Variants in ADCY2 observed in about 807,000 individuals in gnomAD.
ADCY2 encodes the protein adenylate cyclase type 2.
ADCY2 carries 31 observed loss-of-function variants against 125.2 expected under a neutral mutation model. The ratio of observed to expected loss-of-function variants is 0.25; its 90% CI spans 0.19 to 0.33. ADCY2 has a LOEUF of 0.33. Among genes scored for constraint, ADCY2 ranks in the 10% least tolerant of loss-of-function variants. The pLI, the probability that ADCY2 is intolerant of heterozygous loss-of-function variation, is 1.00. For missense variants in ADCY2, 904 were observed against 1,418.2 expected (o/e 0.64, Z 5.82); for synonymous variants, 512 against 548.4 (o/e 0.93, Z 0.93).
chr5:7,699,454 A>G (rs1741010305), intron 7 of ADCY2, among the ~76,000 whole-genome samples: 1 of 151,856 alleles, frequency 6.6e-6, no homozygotes, highest in African/African-American at 2.4e-5. Flanking sequence ...ACCTGTGACT[A>G]TTTCTATTGT....
chr5:7,499,540 A>G (rs1163233863), intron 2 of ADCY2, among the ~76,000 whole-genome samples: 1 of 151,656 alleles, frequency 6.6e-6, no homozygotes, highest in African/African-American at 2.4e-5. Context: ...TTCTTTCATC[A>G]TTGCTTAAGT....
chr5:7,647,599 T>C (rs1192500351), intron 4 of ADCY2, among the ~76,000 whole-genome samples: 1 of 152,150 alleles, frequency 6.6e-6, no homozygotes, highest in Non-Finnish European at 1.5e-5. Context: ...CAAAGGAAGC[T>C]TTTGGAAATG....
At chr5:7,590,954 T>G (rs1032835380) in intron 3 of ADCY2, among the ~76,000 whole-genome samples, 2 of 152,202 alleles carry the variant, frequency 1.3e-5, no homozygotes, top group Admixed American at 1.3e-4. Flanking sequence ...AAAAAGTGGT[T>G]GCTTTTCAAA....
intron 4 of ADCY2, among the ~76,000 whole-genome samples, chr5:7,637,445 A>AT (rs1384583927): frequency 6.6e-6 from 1 of 151,616 alleles, no homozygotes; most frequent in Non-Finnish European, 1.5e-5. Context: ...AAAAAAAAAA[A>AT]AAAAAAGAGA....
intron 13 of ADCY2, among the ~76,000 whole-genome samples, chr5:7,725,978 C>G (rs978483181): frequency 1.3e-5 from 2 of 152,184 alleles, no homozygotes; most frequent in African/African-American, 4.8e-5. Flanking sequence ...TTTTGTCCAT[C>G]TGTCCTCAGC....
intron 15 of ADCY2, among the ~76,000 whole-genome samples, chr5:7,748,777 T>C (rs571872112): frequency 9.2e-4 from 140 of 152,246 alleles, no homozygotes; most frequent in African/African-American, 3.1e-3. Flanking sequence ...AATGTTATAT[T>C]AAAAATACCT....
intron 1 of ADCY2, among the ~76,000 whole-genome samples, chr5:7,411,331 C>T (rs1407971795): frequency 6.6e-6 from 1 of 152,108 alleles, no homozygotes; most frequent in Non-Finnish European, 1.5e-5. Context: ...GAGGATGACT[C>T]TCCTCCTCTG....
intron 4 of ADCY2, among the ~76,000 whole-genome samples, chr5:7,636,556 A>G (rs764477832): frequency 6.6e-6 from 1 of 152,238 alleles, no homozygotes; most frequent in Non-Finnish European, 1.5e-5. Flanking sequence ...AGAAACTGCA[A>G]GGAGGTAGGG....
chr5:7,641,064 C>G (rs940078802), intron 4 of ADCY2, among the ~76,000 whole-genome samples: 1 of 152,208 alleles, frequency 6.6e-6, no homozygotes, highest in Non-Finnish European at 1.5e-5. Context: ...GCCTGCCACT[C>G]TATGCCTTTC....
chr5:7,422,105 A>T (rs955403868), intron 2 of ADCY2, among the ~76,000 whole-genome samples: 4 of 152,286 alleles, frequency 2.6e-5, no homozygotes, highest in South Asian at 4.1e-4. Flanking sequence ...CTTGCCTGTT[A>T]CATTAAAACA....
intron 1 of ADCY2, among the ~76,000 whole-genome samples, chr5:7,404,978 A>G (rs1379871979): frequency 6.6e-6 from 1 of 152,212 alleles, no homozygotes; most frequent in African/African-American, 2.4e-5. Flanking sequence ...GGTTTCAAGA[A>G]TGATCATCCT....
chr5:7,481,825 A>G (rs892897202), intron 2 of ADCY2, among the ~76,000 whole-genome samples: 5 of 151,688 alleles, frequency 3.3e-5, no homozygotes, highest in African/African-American at 1.2e-4. Context: ...ATGTAATCCT[A>G]TTTGTCCATT....
At chr5:7,560,019 T>C (rs928673865) in intron 3 of ADCY2, among the ~76,000 whole-genome samples, 4 of 152,194 alleles carry the variant, frequency 2.6e-5, no homozygotes, top group African/African-American at 4.8e-5. Flanking sequence ...GGAAAGTGAA[T>C]AATCAGTTGT....
chr5:7,597,820 G>A (rs932372300), intron 3 of ADCY2, among the ~76,000 whole-genome samples: 2 of 152,194 alleles, frequency 1.3e-5, no homozygotes. Context: ...CGTAGAGCTG[G>A]AATAGACATT....
chr5:7,716,799 A>C lies in ADCY2; in HGVS notation c.1623-358A>C, dbSNP rs75190998. 8.4e-3 allele frequency among the ~76,000 whole-genome samples: 1,284 copies of C among 152,312 alleles called. 27 individuals carry two copies. Among genetic ancestry groups the C allele is most frequent in the African/African-American group, 0.029 (1,218 of 41,584 alleles). On this transcript the variant is annotated intron_variant, in intron 11 of 24. Coordinates refer to ENST00000338316, the MANE Select transcript of ADCY2 (RefSeq NM_020546.3). ...AGTAGAATGATAGATACCAGAGACT[A>C]TCTGGATGGGAGATGGGTGGGTAAA...
chr5:7,616,609 T>C (rs1434228709), intron 3 of ADCY2, among the ~76,000 whole-genome samples: 1 of 152,204 alleles, frequency 6.6e-6, no homozygotes, highest in Non-Finnish European at 1.5e-5. Context: ...TAAACCATCA[T>C]GGGTAGTACA....
intron 22 of ADCY2, among the ~76,000 whole-genome samples, chr5:7,807,534 T>A (rs1744792420): frequency 6.6e-6 from 1 of 152,210 alleles, no homozygotes; most frequent in Admixed American, 6.5e-5. Context: ...TTCCATTGTC[T>A]GGCCCCAGCC....
chr5:7,529,387 G>A (rs1734570706), intron 3 of ADCY2, among the ~76,000 whole-genome samples: 1 of 152,164 alleles, frequency 6.6e-6, no homozygotes, highest in African/African-American at 2.4e-5. Flanking sequence ...GGGAGCAGAG[G>A]GAGGGGATGT....
At chr5:7,655,529 C>T (rs1739290018) in intron 4 of ADCY2, among the ~76,000 whole-genome samples, 2 of 152,212 alleles carry the variant, frequency 1.3e-5, no homozygotes, top group South Asian at 2.1e-4. Context: ...GGGACTAATT[C>T]CTCCTTCCTC....
Sources: allele counts gnomAD v4.1 joint callset (sites outside exome capture counted in the v4.1 genomes callset), GRCh38; gene constraint gnomAD v4.1.1; transcripts MANE v1.5; gene names NCBI Gene and HGNC (gene_info 2026-07-23, HGNC 2026-07-21).